The following CSMD2 variants were observed in gnomAD, a reference collection of about 807,000 sequenced individuals.
CSMD2 encodes the protein CUB and sushi domain-containing protein 2.
CSMD2 carries 130 observed loss-of-function variants against 398.5 expected under a neutral mutation model. The observed-to-expected ratio is 0.33, with a 90% CI of 0.28 to 0.38. CSMD2 has a LOEUF of 0.38. CSMD2 is among the 10% of genes least tolerant of loss of function. The probability of loss-of-function intolerance (pLI) is 1.00; values close to 1 mark genes in which losing one functional copy is unlikely to be tolerated. For missense variants in CSMD2, 3,829 were observed against 4,764.9 expected, an observed-to-expected ratio of 0.80 and a Z score of 5.78; for synonymous variants, 1,828 against 1,908.5, an observed-to-expected ratio of 0.96 and a Z score of 1.10.
In CSMD2 at chr1:33,849,779, A is replaced by T. The variant is rs189946431; in HGVS notation, c.921-2783T>A. Among the ~76,000 whole-genome samples, 1,149 of 152,096 alleles carry T rather than the reference A, an allele frequency of 7.6e-3. 6 individuals are homozygous for T. The highest frequency in any genetic ancestry group is 0.01 in the Non-Finnish European group (694 of 67,984). On this transcript the variant is annotated intron_variant, in intron 5 of 70. Coordinates refer to ENST00000373381, the MANE Select transcript of CSMD2 (RefSeq NM_001281956.2). ...CCCCATTTTATTTACCTATTTACTT[A>T]TATTTTGGATAGCATCTCCAAAATA...
At chr1:33,651,435 C>G (rs138583431) in intron 28 of CSMD2, among the ~76,000 whole-genome samples, 1 of 152,322 alleles carries the variant, frequency 6.6e-6, no homozygotes, top group Non-Finnish European at 1.5e-5. Flanking sequence ...TGCCCAACAT[C>G]TGGATAGCGA....
chr1:33,806,259 T>G (rs921320924), intron 10 of CSMD2, among the ~76,000 whole-genome samples: 1 of 152,168 alleles, frequency 6.6e-6, no homozygotes, highest in Non-Finnish European at 1.5e-5. Flanking sequence ...ACCTTGACAC[T>G]GAGTAGACAA....
intron 1 of CSMD2, 149 bp from the exon 2 acceptor site, chr1:34,089,342 C>A: frequency 1.4e-6 from 1 of 703,732 alleles, no homozygotes; most frequent in Non-Finnish European, 2.4e-6. Context: ...GAGGGAGGTA[C>A]AAAGGGTGAC....
chr1:33,675,041 T>C (rs904275841), intron 25 of CSMD2, among the ~76,000 whole-genome samples: 5 of 151,908 alleles, frequency 3.3e-5, no homozygotes, highest in African/African-American at 1.2e-4. Context: ...ACATCACAAT[T>C]AAAAGAACTA....
At chr1:33,746,081 T>G (rs889611415) in intron 13 of CSMD2, among the ~76,000 whole-genome samples, 1 of 152,066 alleles carries the variant, frequency 6.6e-6, no homozygotes, top group African/African-American at 2.4e-5. Context: ...AGAATAACAC[T>G]TCCCCCTGGG....
intron 20 of CSMD2, 62 bp downstream of exon 20, chr1:33,716,224 G>A: frequency 7.4e-7 from 1 of 1,356,288 alleles, no homozygotes; most frequent in Non-Finnish European, 1.1e-6. Flanking sequence ...GAGACTGGTA[G>A]CAGAAGGAGA....
intron 32 of CSMD2, among the ~76,000 whole-genome samples, chr1:33,631,831 C>T (rs1642485005): frequency 6.6e-6 from 1 of 151,994 alleles, no homozygotes; most frequent in Non-Finnish European, 1.5e-5. Context: ...TTAAACTTAA[C>T]AAAATATTTC....
intron 55 of CSMD2, among the ~76,000 whole-genome samples, chr1:33,550,728 T>C (rs1657366307): frequency 6.6e-6 from 1 of 152,210 alleles, no homozygotes; most frequent in Admixed American, 6.5e-5. Flanking sequence ...CCTCAGATTG[T>C]CTTCATTGGC....
At chr1:33,942,053 T>G (rs945133669) in intron 3 of CSMD2, among the ~76,000 whole-genome samples, 1 of 152,226 alleles carries the variant, frequency 6.6e-6, no homozygotes, top group Non-Finnish European at 1.5e-5. Context: ...TGTATAATAA[T>G]AACTTCATAA....
chr1:33,980,981 G>T (rs572006892), intron 3 of CSMD2, among the ~76,000 whole-genome samples: 1 of 152,280 alleles, frequency 6.6e-6, no homozygotes, highest in East Asian at 1.9e-4. Context: ...GGTGGAGCAT[G>T]GGAGGGGAGG....
At position 33,739,081 on chromosome 1, in the gene CSMD2, C is replaced by T. The variant is rs532324708; in HGVS notation, c.2368+59G>A. ...ACCACCATGGCCTGGGCTGCTTGCT[C>T]CCCCTCCCCAGCCTCTCTGGCTGAC... On this transcript the variant is annotated intron_variant, in intron 15 of 70. Coordinates refer to ENST00000373381, the MANE Select transcript of CSMD2 (RefSeq NM_001281956.2). 2.0e-5 allele frequency: 30 copies of T among 1,532,748 alleles called. 1 individual carries two copies. The highest frequency in any genetic ancestry group is 1.0e-4 in the Admixed American group (5 of 48,506). 94.9% of individuals were successfully genotyped at this position (1,532,748 alleles called of 1,614,324 possible).
chr1:33,655,374 G>A (rs1643916802), intron 27 of CSMD2, among the ~76,000 whole-genome samples: 1 of 152,210 alleles, frequency 6.6e-6, no homozygotes, highest in Non-Finnish European at 1.5e-5. Context: ...TGCTAACTAT[G>A]AGCCAGGCAC....
intron 53 of CSMD2, among the ~76,000 whole-genome samples, chr1:33,560,939 G>A (rs1658483255): frequency 6.6e-6 from 1 of 152,172 alleles, no homozygotes; most frequent in South Asian, 2.1e-4. Context: ...TTAGTCCTTA[G>A]TTCTATTTCG....
At chr1:33,526,572 T>C (rs1343161461) in intron 65 of CSMD2, among the ~76,000 whole-genome samples, 1 of 152,236 alleles carries the variant, frequency 6.6e-6, no homozygotes, top group Non-Finnish European at 1.5e-5. Flanking sequence ...TGGCAATTAT[T>C]ATGATCTCTA....
rs139602965 is a variant in CSMD2, at chr1:34,102,347, T to C, written c.188-13154A>G. Among the ~76,000 whole-genome samples the C allele has an allele frequency of 4.4e-3, 669 of 152,254 alleles. 2 individuals are homozygous for C. Among genetic ancestry groups the C allele is most frequent in the Middle Eastern group, 6.8e-3 (2 of 294 alleles). On this transcript the variant is annotated intron_variant, in intron 1 of 70. Coordinates refer to ENST00000373381, the MANE Select transcript of CSMD2 (RefSeq NM_001281956.2). ...ACCTGGCCAAAATGTTCACTTTCTA[T>C]AGGCAGTCACATTTATCTCTTTTTT...
At position 34,165,019 on chromosome 1, in the gene CSMD2, C is replaced by T; in HGVS notation, c.79G>A (p.Ala27Thr). The T allele has an allele frequency of 8.3e-7, 1 of 1,209,906 alleles. No individual in the cohort carries two copies. The highest frequency in any genetic ancestry group is 1.0e-6 in the Non-Finnish European group (1 of 974,130). 74.9% of individuals were successfully genotyped at this position (1,209,906 alleles called of 1,614,324 possible). A position where few individuals can be genotyped will look rare whatever the true frequency, so the allele number is the denominator to read the frequency against. Residue 27 changes from alanine to threonine, a missense_variant, in exon 1 of 71, where the codon GCG (alanine) becomes ACG (threonine). By Grantham distance (58) the Ala-to-Thr change is moderately conservative. Transcript: ENST00000373381. ...CGGCTCCCGGCGCCCGGCACAAGCGCCGAAATCCCGGTTTCGCCGCGAGCC... is the reference window on the plus strand; with the variant it reads ...CGGCTCCCGGCGCCCGGCACAAGCGTCGAAATCCCGGTTTCGCCGCGAGCC... ...GRARGETGIS[A>T]LVPGAGSRWG...
intron 2 of CSMD2, among the ~76,000 whole-genome samples, chr1:34,033,436 A>G (rs893914153): frequency 6.6e-6 from 1 of 152,264 alleles, no homozygotes; most frequent in Non-Finnish European, 1.5e-5. Flanking sequence ...CTGAAATAAT[A>G]TGCTTTTAGC....
chr1:33,660,967 GGCTATA>G lies in CSMD2; in HGVS notation c.4255+1917_4255+1922del, dbSNP rs563187507. On this transcript the variant is annotated intron_variant, in intron 26 of 70. Transcript: ENST00000373381. ...AGAAGTAAAGTGCCAGGGTGCCGTG[GGCTATA>G]GCAGTTTTACTCTGAATGGGGAGAT... Among the ~76,000 whole-genome samples the G allele has an allele frequency of 1.8e-3, 267 of 152,278 alleles. 10 individuals are homozygous for G. In the South Asian group the frequency reaches 0.047, roughly 27 times the overall value.
chr1:33,917,224 C>T (rs904422561), intron 5 of CSMD2, among the ~76,000 whole-genome samples: 3 of 152,214 alleles, frequency 2.0e-5, no homozygotes, highest in African/African-American at 4.8e-5. Context: ...GAATCCCCAC[C>T]TTCACCTGAC....
Sources: gnomAD v4.1 joint callset for allele counts (sites outside exome capture counted in the v4.1 genomes callset) on GRCh38, gnomAD v4.1.1 for gene constraint, MANE v1.5 for transcripts, NCBI Gene and HGNC (gene_info 2026-07-23, HGNC 2026-07-21) for gene names.